Variants in PLD6 observed in about 807,000 individuals in gnomAD.
PLD6 encodes phospholipase D family member 6.
PLD6 carries 10 observed loss-of-function variants against 9.7 expected under a neutral mutation model. That is an observed-to-expected ratio of 1.03 (90% CI 0.64 to 1.75). The LOEUF is 1.75. Among genes scored for constraint, PLD6 ranks in the 40% most tolerant of loss-of-function variants. The probability of loss-of-function intolerance (pLI) is 0.00; values close to 1 mark genes in which losing one functional copy is unlikely to be tolerated. For missense variants in PLD6, 334 were observed against 347.6 expected (o/e 0.96, Z 0.31); for synonymous variants, 152 against 159.2 (o/e 0.96, Z 0.34).
chr17:17,204,262 GC>G (rs1279094091), intron 1 of PLD6: 3 of 152,430 alleles, frequency 2.0e-5, no homozygotes. Context: ...CTGTGCTGCT[GC>G]CCCTTCCAGC....
chr17:17,203,049 A>C lies in PLD6; in HGVS notation c.477T>G (p.Phe159Leu), dbSNP rs1476467218. 1 of 1,614,092 alleles carries C rather than the reference A, an allele frequency of 6.2e-7. No homozygotes were observed. The highest frequency in any genetic ancestry group is 8.5e-7 in the Non-Finnish European group (1 of 1,180,038). Residue 159 changes from phenylalanine (F) to leucine (L), a missense_variant, in exon 2 of 2, where the codon TTT (phenylalanine) becomes TTG (leucine). Transcript: ENST00000321560. ...DQDPGYMHHKFAIVDKRVLIT... is the reference protein window; with the variant it reads ...DQDPGYMHHKLAIVDKRVLIT... ...TGAGCACCCTCTTGTCCACGATGGC[A>C]AACTTGTGATGCATGTAGCCTGGGT...
Position 17,203,007 on chromosome 17 carries a change from G to C in PLD6, c.519C>G (p.Asn173Lys). Residue 173 changes from asparagine to lysine, a missense_variant, in exon 2 of 2, where the codon AAC (asparagine) becomes AAG (lysine). Physicochemically the swap from Asn to Lys is moderately conservative, Grantham distance 94. Coordinates refer to ENST00000321560, the MANE Select transcript of PLD6 (RefSeq NM_178836.4). ...DKRVLITGSL[N>K]WTTQAIQNNR... ...TGTTCTGGATGGCTTGCGTGGTCCA[G>C]TTGAGCGAGCCAGTGATGAGCACCC... is the stretch of plus-strand genomic sequence containing the variant. 6.2e-7 allele frequency: 1 copy of C among 1,614,226 alleles called. No homozygotes were observed. The highest frequency in any genetic ancestry group is 2.2e-5 in the East Asian group (1 of 44,886).
intron 1 of PLD6, among the ~76,000 whole-genome samples, chr17:17,204,753 G>A (rs1347825778): frequency 2.0e-5 from 3 of 152,176 alleles, no homozygotes; most frequent in Non-Finnish European, 2.9e-5. Flanking sequence ...CACATGGGAG[G>A]ACAGCTCTTG....
intron 1 of PLD6, chr17:17,204,439 A>AT (rs1268746111): frequency 6.6e-6 from 1 of 152,332 alleles, no homozygotes; most frequent in Non-Finnish European, 1.5e-5. Context: ...CCTAAATGAA[A>AT]TATTCATGAC....
At chr17:17,203,143 C>T (rs372737833) in intron 1 of PLD6, 45 bp from the exon 2 acceptor site, 586 of 1,575,472 alleles carry the variant, frequency 3.7e-4, no homozygotes, top group Non-Finnish European at 4.8e-4. Context: ...GGAGTCCCGC[C>T]CCCAGTGTGG....
At chr17:17,204,104 A>C (rs538020384) in intron 1 of PLD6, among the ~76,000 whole-genome samples, 36 of 152,190 alleles carry the variant, frequency 2.4e-4, no homozygotes, top group Non-Finnish European at 4.4e-4. Context: ...CACGGTGGGC[A>C]ATGTAAAACC....
In PLD6 at chr17:17,201,377, G is replaced by C. The variant is rs1295467888; in HGVS notation, c.*1390C>G. ...TCATACAGAAATATGACAAGATGAT[G>C]AAGTCACAACTTCAGATGTCATCGG... On this transcript the variant is annotated 3_prime_UTR_variant, in exon 2 of 2. Coordinates refer to ENST00000321560, the MANE Select transcript of PLD6 (RefSeq NM_178836.4). 2 of 152,216 alleles carry C rather than the reference G, an allele frequency of 1.3e-5. No homozygotes were observed. Among genetic ancestry groups the C allele is most frequent in the African/African-American group, 2.4e-5 (1 of 41,436 alleles). The allele number at this position is 152,216 out of a possible 1,614,324, so 9.4% of individuals were successfully genotyped here.
chr17:17,203,077 T>C lies in PLD6; in HGVS notation c.449A>G (p.Gln150Arg), dbSNP rs748880961. Residue 150 changes from glutamine to arginine, a missense_variant, in exon 2 of 2, where the codon CAA becomes CGA. Coordinates refer to ENST00000321560, the MANE Select transcript of PLD6 (RefSeq NM_178836.4). Reference protein sequence around the residue: ...RKAGIQVRHDQDPGYMHHKFA... With the variant: ...RKAGIQVRHDRDPGYMHHKFA... ...CTTGTGATGCATGTAGCCTGGGTCT[T>C]GATCGTGCCGGACCTGGATCCCTGC... The C allele has an allele frequency of 3.1e-6, 5 of 1,613,812 alleles. No individual in the cohort carries two copies. The highest frequency in any genetic ancestry group is 4.2e-6 in the Non-Finnish European group (5 of 1,179,776).
At chr17:17,204,935 G>A (rs571753360) in intron 1 of PLD6, among the ~76,000 whole-genome samples, 2 of 152,296 alleles carry the variant, frequency 1.3e-5, no homozygotes, top group East Asian at 3.9e-4. Context: ...CTGTGCAGAA[G>A]GAACAGCGCG....
rs781642633 is a variant in PLD6, at chr17:17,202,756, C to A, written c.*11G>T. ...CAGCAGCCCGCAGGGAGGGCTCAGC[C>A]CCATTCTTGGTTAGGTTTGGCTTTC... is the stretch of plus-strand genomic sequence containing the variant. On this transcript the variant is annotated 3_prime_UTR_variant, in exon 2 of 2. Transcript: ENST00000321560. 1.4e-5 allele frequency: 22 copies of A among 1,609,766 alleles called. No individual in the cohort carries two copies. The highest frequency in any genetic ancestry group is 5.3e-5 in the African/African-American group (4 of 74,796).
rs111301344 is a variant in PLD6 at position 17,201,878 on chromosome 17, C to A, written c.*889G>T. On this transcript the variant is annotated 3_prime_UTR_variant, in exon 2 of 2. Coordinates refer to ENST00000321560, the MANE Select transcript of PLD6 (RefSeq NM_178836.4). ...GCAGGCACCTGTAATCCCAGCTACT[C>A]GGGAGGCTGAGGCAGGACAATCGTT... 0.027 allele frequency: 4,120 copies of A among 152,050 alleles called. 93 individuals carry two copies. Among genetic ancestry groups the A allele is most frequent in the African/African-American group, 0.05 (2,084 of 41,446 alleles). The allele number at this position is 152,050 out of a possible 1,614,324, so 9.4% of individuals were successfully genotyped here.
intron 1 of PLD6, among the ~76,000 whole-genome samples, chr17:17,205,025 T>C (rs1193987947): frequency 1.3e-5 from 2 of 152,052 alleles, no homozygotes; most frequent in African/African-American, 4.8e-5. Flanking sequence ...TATTATCAGA[T>C]CCAACCGTTG....
rs1219413359 is a variant in PLD6, at chr17:17,202,148, T to G, written c.*619A>C. 6.4e-6 allele frequency: 1 copy of G among 155,446 alleles called. No homozygotes were observed. The highest frequency in any genetic ancestry group is 1.4e-5 in the Non-Finnish European group (1 of 70,092). The allele number at this position is 155,446 out of a possible 1,614,324, so 9.6% of individuals were successfully genotyped here. ...GCATACTGGTTTTAAAGAGCAATTATGCAAGGAATCAAGGGAACAGCCAGC... is the reference window on the plus strand; with the variant it reads ...GCATACTGGTTTTAAAGAGCAATTAGGCAAGGAATCAAGGGAACAGCCAGC... On this transcript the variant is annotated 3_prime_UTR_variant, in exon 2 of 2. Coordinates refer to ENST00000321560, the MANE Select transcript of PLD6 (RefSeq NM_178836.4).
rs1194245377 is a variant in PLD6, at chr17:17,206,039, A to G, written c.248T>C (p.Leu83Pro). Residue 83 changes from leucine to proline, a missense_variant, in exon 1 of 2, where the codon CTG becomes CCG. Leu to Pro is a moderately conservative substitution (Grantham distance 98, BLOSUM62 -3). Transcript: ENST00000321560. ...GCGGGCGGCCAGCAGGGCACGCAGC[A>G]GGCGGCTTAGCGCGCTCTCGCCGTG... ...LPHGESALSRLLRALLAARAS... is the reference protein window; with the variant it reads ...LPHGESALSRPLRALLAARAS... 6.5e-7 allele frequency: 1 copy of G among 1,535,694 alleles called. No individual in the cohort carries two copies. Among genetic ancestry groups the G allele is most frequent in the Admixed American group, 2.0e-5 (1 of 50,912 alleles).
At chr17:17,203,171 C>T in intron 1 of PLD6, 73 bp from the exon 2 acceptor site, 1 of 1,435,766 alleles carries the variant, frequency 7.0e-7, no homozygotes, top group Non-Finnish European at 9.4e-7. Context: ...CTGGGGGCTA[C>T]TGGCTTTACT....
rs914220305 is a variant in PLD6 at position 17,201,867 on chromosome 17, T to C, written c.*900A>G. On this transcript the variant is annotated 3_prime_UTR_variant, in exon 2 of 2. Coordinates refer to ENST00000321560, the MANE Select transcript of PLD6 (RefSeq NM_178836.4). ...CAGGTGTTGTGGCAGGCACCTGTAA[T>C]CCCAGCTACTCGGGAGGCTGAGGCA... 1 of 151,500 alleles carries C rather than the reference T, an allele frequency of 6.6e-6. No homozygotes were observed. Among genetic ancestry groups the C allele is most frequent in the African/African-American group, 2.4e-5 (1 of 41,216 alleles). 9.4% of individuals were successfully genotyped at this position (151,500 alleles called of 1,614,324 possible). A position where few individuals can be genotyped will look rare whatever the true frequency, so the allele number is the denominator to read the frequency against.
chr17:17,203,205 A>G (rs1000122328), intron 1 of PLD6, 107 bp from the exon 2 acceptor site: 83 of 1,197,248 alleles, frequency 6.9e-5, no homozygotes, highest in Non-Finnish European at 9.0e-5. Flanking sequence ...TTGGTGGGCC[A>G]GGAAAGCCCG....
Position 17,202,502 on chromosome 17 carries a change from G to A in PLD6, c.*265C>T, listed in dbSNP as rs1039118305. On this transcript the variant is annotated 3_prime_UTR_variant, in exon 2 of 2. Coordinates refer to ENST00000321560, the MANE Select transcript of PLD6 (RefSeq NM_178836.4). ...TTTTCTGTGCTGTAGCAGAAGTTTC[G>A]ATTCCAAACCAAGATACGGACCACA... 2 of 459,066 alleles carry A rather than the reference G, an allele frequency of 4.4e-6. No individual in the cohort carries two copies. Among genetic ancestry groups the A allele is most frequent in the Admixed American group, 7.2e-5 (2 of 27,908 alleles). 28.4% of individuals were successfully genotyped at this position (459,066 alleles called of 1,614,324 possible). A position where few individuals can be genotyped will look rare whatever the true frequency, so the allele number is the denominator to read the frequency against.
rs1407783819 is a variant in PLD6 at position 17,206,125 on chromosome 17, C to T, written c.162G>A (p.Leu54=). The change falls in exon 1 of 2, where the codon CTG becomes CTA. Residue 54 remains leucine, a synonymous_variant. Coordinates refer to ENST00000321560, the MANE Select transcript of PLD6 (RefSeq NM_178836.4). The stretch of plus-strand genomic sequence containing the variant: ...CCAGCTCCGCGCCCGGAGCCCGCAG[C>T]AGGGCCTCGGTACAGGTCACCTGAG... ...FPSQVTCTEA[L]LRAPGAELAE... The T allele has an allele frequency of 8.7e-6, 13 of 1,488,868 alleles. No individual in the cohort carries two copies. The East Asian group carries it at 3.6e-4, about 42-fold the overall frequency. 92.2% of individuals were successfully genotyped at this position (1,488,868 alleles called of 1,614,324 possible).
Sources: gnomAD v4.1 joint callset for allele counts (sites outside exome capture counted in the v4.1 genomes callset) on GRCh38, gnomAD v4.1.1 for gene constraint, MANE v1.5 for transcripts, NCBI Gene and HGNC (gene_info 2026-07-23, HGNC 2026-07-21) for gene names.